The following NRG3 variants were observed in gnomAD, a reference collection of about 807,000 sequenced individuals.
NRG3 encodes pro-neuregulin-3, membrane-bound isoform.
In NRG3, 31 loss-of-function variants were observed where a neutral mutation model predicts 66.9. The ratio of observed to expected loss-of-function variants is 0.46; its 90% CI spans 0.35 to 0.63. The LOEUF (loss-of-function observed/expected upper bound fraction) is 0.63. Among genes scored for constraint, NRG3 ranks in the 20% least tolerant of loss-of-function variants. The probability of loss-of-function intolerance (pLI) is 0.00; values close to 1 mark genes in which losing one functional copy is unlikely to be tolerated. For synonymous variants in NRG3, 393 were observed against 359.4 expected (o/e 1.09, Z -1.06); for missense variants, 910 against 878.9 (o/e 1.04, Z -0.45).
chr10:82,929,501 A>G (rs1422452160), intron 4 of NRG3, among the ~76,000 whole-genome samples: 1 of 152,200 alleles, frequency 6.6e-6, no homozygotes. Flanking sequence ...ACTATGAGCT[A>G]CTAAGTCTTC....
intron 1 of NRG3, among the ~76,000 whole-genome samples, chr10:81,965,656 C>T (rs1272680075): frequency 6.6e-6 from 1 of 152,082 alleles, no homozygotes; most frequent in African/African-American, 2.4e-5. Flanking sequence ...AGATATTTTA[C>T]AATTTTGTGC....
intron 1 of NRG3, among the ~76,000 whole-genome samples, chr10:82,291,177 C>T (rs565400203): frequency 4.0e-4 from 61 of 152,040 alleles, no homozygotes; most frequent in African/African-American, 1.4e-3. Context: ...CACACACGCA[C>T]GCACCAGTCA....
intron 1 of NRG3, among the ~76,000 whole-genome samples, chr10:81,885,505 A>G (rs981817240): frequency 6.6e-6 from 1 of 152,194 alleles, no homozygotes; most frequent in Admixed American, 6.5e-5. Context: ...TGCCGGGGGT[A>G]CTACAAACTA....
chr10:82,838,960 A>T (rs1240042587), intron 3 of NRG3, among the ~76,000 whole-genome samples: 4 of 152,128 alleles, frequency 2.6e-5, no homozygotes, highest in African/African-American at 9.6e-5. Flanking sequence ...CCAAGCGAAA[A>T]GGGTTTCCTC....
intron 2 of NRG3, among the ~76,000 whole-genome samples, chr10:82,635,102 A>C (rs190433641): frequency 6.6e-6 from 1 of 152,274 alleles, no homozygotes; most frequent in African/African-American, 2.4e-5. Context: ...AAAGACCTGA[A>C]CCCAAATGGC....
chr10:82,353,539 C>A (rs573814128), intron 1 of NRG3, among the ~76,000 whole-genome samples: 2 of 152,210 alleles, frequency 1.3e-5, no homozygotes, highest in Non-Finnish European at 2.9e-5. Flanking sequence ...GAATAGAAAA[C>A]TTAAAAGCAA....
intron 1 of NRG3, among the ~76,000 whole-genome samples, chr10:82,237,787 A>T (rs1229289114): frequency 2.0e-5 from 3 of 152,198 alleles, no homozygotes; most frequent in South Asian, 4.1e-4. Context: ...AGAGGTTCTT[A>T]CATGACTTTA....
At chr10:82,003,214 A>G (rs189938877) in intron 1 of NRG3, among the ~76,000 whole-genome samples, 1 of 152,294 alleles carries the variant, frequency 6.6e-6, no homozygotes, top group Non-Finnish European at 1.5e-5. Context: ...TGGGAGAGGA[A>G]TGGCTCATGG....
At chr10:82,196,621 G>A (rs1018712951) in intron 1 of NRG3, among the ~76,000 whole-genome samples, 1 of 152,150 alleles carries the variant, frequency 6.6e-6, no homozygotes, top group Non-Finnish European at 1.5e-5. Flanking sequence ...TTTCCACTGT[G>A]TGTGCAAATA....
chr10:82,612,396 G>C (rs748088646), intron 2 of NRG3, among the ~76,000 whole-genome samples: 2 of 151,748 alleles, frequency 1.3e-5, no homozygotes, highest in Non-Finnish European at 2.9e-5. Flanking sequence ...AAAGTAGATA[G>C]CAAGATCCAG....
At chr10:81,911,671 A>T (rs1845178641) in intron 1 of NRG3, among the ~76,000 whole-genome samples, 1 of 96,030 alleles carries the variant, frequency 1.0e-5, no homozygotes, top group Admixed American at 1.4e-4. Flanking sequence ...CACTGCATGT[A>T]TTTTACTGTT....
At chr10:81,946,733 G>A (rs1301540945) in intron 1 of NRG3, among the ~76,000 whole-genome samples, 1 of 152,168 alleles carries the variant, frequency 6.6e-6, no homozygotes, top group Non-Finnish European at 1.5e-5. Context: ...GAATACATGA[G>A]CTGTCCATCA....
At chr10:82,349,728 G>A (rs532254645) in intron 1 of NRG3, among the ~76,000 whole-genome samples, 57 of 152,242 alleles carry the variant, frequency 3.7e-4, no homozygotes, top group Admixed American at 2.8e-3. Flanking sequence ...CTCCGTGGGC[G>A]TAGGACCCTC....
intron 1 of NRG3, among the ~76,000 whole-genome samples, chr10:82,037,013 C>G (rs1223994482): frequency 3.3e-5 from 5 of 152,096 alleles, no homozygotes; most frequent in Non-Finnish European, 7.4e-5. Context: ...TTATAATCAC[C>G]AACATAGTTT....
At chr10:81,979,297 A>G (rs2060246598) in intron 1 of NRG3, among the ~76,000 whole-genome samples, 1 of 152,112 alleles carries the variant, frequency 6.6e-6, no homozygotes, top group African/African-American at 2.4e-5. Flanking sequence ...TCTATGGGAA[A>G]TATTGTAGAG....
At chr10:82,288,876 G>A (rs533100174) in intron 1 of NRG3, among the ~76,000 whole-genome samples, 9 of 152,252 alleles carry the variant, frequency 5.9e-5, no homozygotes, top group African/African-American at 2.2e-4. Flanking sequence ...ACATTCCTAC[G>A]TATCAGAACT....
chr10:82,851,172 T>G (rs1219761366), intron 3 of NRG3, among the ~76,000 whole-genome samples: 1 of 152,242 alleles, frequency 6.6e-6, no homozygotes, highest in African/African-American at 2.4e-5. Context: ...TAATTTTCTA[T>G]TTAAAGTTAC....
chr10:82,384,323 T>C (rs958019430), intron 2 of NRG3, among the ~76,000 whole-genome samples: 3 of 152,120 alleles, frequency 2.0e-5, no homozygotes, highest in Non-Finnish European at 4.4e-5. Flanking sequence ...GGATGTTACA[T>C]AGGTAAAAAT....
At chr10:82,398,769 A>G (rs775831138) in intron 2 of NRG3, among the ~76,000 whole-genome samples, 1 of 152,128 alleles carries the variant, frequency 6.6e-6, no homozygotes, top group Admixed American at 6.5e-5. Flanking sequence ...AAGCAAACCT[A>G]TGGTAGTACC....
Sources: gnomAD v4.1 joint callset for allele counts (sites outside exome capture counted in the v4.1 genomes callset) on GRCh38, gnomAD v4.1.1 for gene constraint, MANE v1.5 for transcripts, NCBI Gene and HGNC (gene_info 2026-07-23, HGNC 2026-07-21) for gene names.